The following SLC2A12 variants were observed in gnomAD, a reference collection of about 807,000 sequenced individuals.
The protein encoded by SLC2A12 is solute carrier family 2, facilitated glucose transporter member 12.
A neutral mutation model predicts 41.8 loss-of-function variants in SLC2A12; 23 were observed. That is an observed-to-expected ratio of 0.55 (90% CI 0.40 to 0.78). The LOEUF is 0.78. Among genes scored for constraint, SLC2A12 ranks in the 30% least tolerant of loss-of-function variants. The pLI is 0.00. For synonymous variants in SLC2A12, 295 were observed against 285.9 expected, an observed-to-expected ratio of 1.03 and a Z score of -0.32; for missense variants, 654 against 745.6, an observed-to-expected ratio of 0.88 and a Z score of 1.43.
chr6:134,044,160 TC>T (rs923862531), intron 1 of SLC2A12, among the ~76,000 whole-genome samples: 25 of 152,104 alleles, frequency 1.6e-4, no homozygotes, highest in African/African-American at 5.8e-4. Context: ...TGGCTGAACT[TC>T]CCCCTTTGCT....
At chr6:134,020,491 A>G (rs145627984) in intron 2 of SLC2A12, among the ~76,000 whole-genome samples, 1 of 152,344 alleles carries the variant, frequency 6.6e-6, no homozygotes, top group East Asian at 1.9e-4. Flanking sequence ...TATAGTTTAT[A>G]CCAATGCTCT....
intron 4 of SLC2A12, among the ~76,000 whole-genome samples, chr6:133,994,701 C>A (rs1285093484): frequency 6.6e-6 from 1 of 152,312 alleles, no homozygotes; most frequent in African/African-American, 2.4e-5. Context: ...ACCTGGGCGA[C>A]AGAGCGAGAC....
chr6:134,026,998 G>A (rs1311853923), intron 2 of SLC2A12, among the ~76,000 whole-genome samples: 3 of 152,156 alleles, frequency 2.0e-5, no homozygotes, highest in Non-Finnish European at 4.4e-5. Flanking sequence ...AGCAGGAGAG[G>A]ACATATCAGC....
intron 3 of SLC2A12, among the ~76,000 whole-genome samples, chr6:134,005,659 T>TAAAAAAAA (rs56710009): frequency 1.4e-4 from 9 of 64,966 alleles, no homozygotes; most frequent in African/African-American, 2.0e-4. Flanking sequence ...GACTCTGTCT[T>TAAAAAAAA]AAAAAAAAAA....
At chr6:134,033,778 T>A (rs770166275) in intron 1 of SLC2A12, among the ~76,000 whole-genome samples, 1 of 152,144 alleles carries the variant, frequency 6.6e-6, no homozygotes, top group African/African-American at 2.4e-5. Flanking sequence ...AAATACTGTG[T>A]CCCTACAATG....
intron 1 of SLC2A12, among the ~76,000 whole-genome samples, chr6:134,036,728 T>C (rs1582622979): frequency 6.6e-6 from 1 of 152,248 alleles, no homozygotes; most frequent in South Asian, 2.1e-4. Flanking sequence ...TCTGTAGTGT[T>C]ATATAATGGT....
At chr6:134,026,195 A>G (rs534074959) in intron 2 of SLC2A12, among the ~76,000 whole-genome samples, 25 of 152,314 alleles carry the variant, frequency 1.6e-4, no homozygotes, top group African/African-American at 5.1e-4. Flanking sequence ...TGACATTTCA[A>G]AAAATTGGAC....
At chr6:134,027,218 C>T (rs948178257) in intron 2 of SLC2A12, among the ~76,000 whole-genome samples, 8 of 152,118 alleles carry the variant, frequency 5.3e-5, no homozygotes, top group Admixed American at 3.3e-4. Context: ...ATACATATTG[C>T]TTGAATTAAT....
chr6:134,027,137 G>A (rs1777124620), intron 2 of SLC2A12, among the ~76,000 whole-genome samples: 1 of 152,180 alleles, frequency 6.6e-6, no homozygotes, highest in African/African-American at 2.4e-5. Flanking sequence ...TAGGGACAGT[G>A]TCTGTCTTGG....
In SLC2A12 at chr6:133,991,102, G is replaced by A. The variant is rs1228904669; in HGVS notation, c.*53C>T. 13 of 1,561,110 alleles carry A rather than the reference G, an allele frequency of 8.3e-6. No homozygotes were observed. Among genetic ancestry groups the A allele is most frequent in the Non-Finnish European group, 1.0e-5 (12 of 1,156,802 alleles). On this transcript the variant is annotated 3_prime_UTR_variant, in exon 5 of 5. Coordinates refer to ENST00000275230, the MANE Select transcript of SLC2A12 (RefSeq NM_145176.3). ...AGTCGCAACTATGCATTGGTCCAAA[G>A]ACACCCTCCTAAGTGTTCTGGCACT... is the stretch of plus-strand genomic sequence containing the variant.
Position 133,987,644 on chromosome 6 carries a change from G to A in SLC2A12, c.*3511C>T, listed in dbSNP as rs1339004965. ...GTATTTTGTGTGTGTGTGTGTGTGTGTGTGTATATATATATATATATATGC... is the reference window on the plus strand; with the variant it reads ...GTATTTTGTGTGTGTGTGTGTGTGTATGTGTATATATATATATATATATGC... On this transcript the variant is annotated 3_prime_UTR_variant, in exon 5 of 5. Transcript: ENST00000275230. 80 of 128,738 alleles carry A rather than the reference G, an allele frequency of 6.2e-4. No homozygotes were observed. Among genetic ancestry groups the A allele is most frequent in the African/African-American group, 2.5e-3 (78 of 31,272 alleles). The allele number at this position is 128,738 out of a possible 1,614,324, so 8.0% of individuals were successfully genotyped here.
At chr6:134,016,936 A>T (rs1226048390) in intron 2 of SLC2A12, among the ~76,000 whole-genome samples, 1 of 152,148 alleles carries the variant, frequency 6.6e-6, no homozygotes, top group Non-Finnish European at 1.5e-5. Flanking sequence ...CCAGGTTTAG[A>T]TTGTCACATA....
chr6:134,037,437 C>T (rs1378941991), intron 1 of SLC2A12, among the ~76,000 whole-genome samples: 4 of 151,706 alleles, frequency 2.6e-5, no homozygotes, highest in African/African-American at 9.7e-5. Flanking sequence ...TCGGCTCACT[C>T]TCCACCTCCC....
chr6:134,022,560 AAAG>A (rs1477523352), intron 2 of SLC2A12, among the ~76,000 whole-genome samples: 6 of 83,680 alleles, frequency 7.2e-5, no homozygotes, highest in Admixed American at 3.5e-4. Context: ...AAAGAAAAGA[AAAG>A]AAAAGAAAAG....
intron 1 of SLC2A12, 137 bp downstream of exon 1, chr6:134,052,241 G>T (rs925813513): frequency 6.5e-6 from 3 of 463,774 alleles, no homozygotes; most frequent in Non-Finnish European, 1.0e-5. Context: ...CCACATGCGC[G>T]CGCGCGCATA....
intron 1 of SLC2A12, among the ~76,000 whole-genome samples, chr6:134,032,424 ATT>A (rs1207167289): frequency 0.1 from 4,228 of 40,788 alleles, 351 homozygotes; most frequent in African/African-American, 0.22. Context: ...ATATATATAT[ATT>A]TATATATATA....
chr6:134,032,409 T>C (rs1582619699), intron 1 of SLC2A12, among the ~76,000 whole-genome samples: 1 of 33,894 alleles, frequency 3.0e-5, no homozygotes, highest in Non-Finnish European at 6.2e-5. Context: ...GGGAGAAATA[T>C]ATATATATAT....
intron 4 of SLC2A12, among the ~76,000 whole-genome samples, chr6:133,996,076 T>C (rs1776683102): frequency 6.6e-6 from 1 of 152,222 alleles, no homozygotes; most frequent in Non-Finnish European, 1.5e-5. Flanking sequence ...GGAAATCTCA[T>C]GGTGATTGTA....
intron 3 of SLC2A12, among the ~76,000 whole-genome samples, chr6:134,003,451 T>G (rs1291722113): frequency 6.6e-6 from 1 of 152,198 alleles, no homozygotes; most frequent in Non-Finnish European, 1.5e-5. Flanking sequence ...AGCTCACCAT[T>G]TCACGAAGCC....
Sources: allele counts gnomAD v4.1 joint callset (sites outside exome capture counted in the v4.1 genomes callset), GRCh38; gene constraint gnomAD v4.1.1; transcripts MANE v1.5; gene names NCBI Gene and HGNC (gene_info 2026-07-23, HGNC 2026-07-21).